ZNF48: variants seen among roughly 807,000 people sequenced by gnomAD.
ZNF48 encodes zinc finger protein 553.
Under a neutral mutation model 40.0 loss-of-function variants are expected in ZNF48, and 20 were observed. That is an observed-to-expected ratio of 0.50 (90% CI 0.35 to 0.73). The LOEUF (loss-of-function observed/expected upper bound fraction) is 0.73, where lower values mean the gene tolerates loss of function less well. Among genes scored for constraint, ZNF48 ranks in the 30% least tolerant of loss-of-function variants. The probability of loss-of-function intolerance (pLI) is 0.01; values close to 1 mark genes in which losing one functional copy is unlikely to be tolerated. For synonymous variants in ZNF48, 298 were observed against 329.7 expected, an observed-to-expected ratio of 0.90 and a Z score of 1.04; for missense variants, 726 against 851.9, an observed-to-expected ratio of 0.85 and a Z score of 1.84.
chr16:30,381,146 G>A lies in ZNF48; in HGVS notation c.-16+2736G>A, dbSNP rs1162983322. The A allele has an allele frequency of 1.2e-6, 2 of 1,613,972 alleles. No homozygotes were observed. The highest frequency in any genetic ancestry group is 8.5e-7 in the Non-Finnish European group (1 of 1,179,880). On this transcript the variant is annotated intron_variant, in intron 1 of 2. Transcript: ENST00000528032. The surrounding 1 kb of genome is among the most constrained non-coding windows in gnomAD (Gnocchi z 4.3). ...TCACACCTTCTGCTTGAGGGCCTGG[G>A]TTTCCTGGGGCATCAGAGCATCCGC...
intron 1 of ZNF48, chr16:30,380,817 A>G (rs935590132): frequency 5.7e-5 from 23 of 406,006 alleles, no homozygotes; most frequent in Non-Finnish European, 1.0e-4. Flanking sequence ...ATAAGCAGAA[A>G]CAGTGGGAAA....
At chr16:30,379,814 C>G (rs1035485745) in intron 1 of ZNF48, 29 of 675,496 alleles carry the variant, frequency 4.3e-5, no homozygotes, top group Non-Finnish European at 6.2e-5. Context: ...GCCATGTTGC[C>G]CAGGCTGGTC....
At position 30,399,947 on chromosome 16, in the gene ZNF48, T is replaced by G. The variant is rs1181629989; in HGVS notation, c.*840T>G. The stretch of plus-strand genomic sequence containing the variant: ...TGGCAGCCACATTTCCATGTGTCTT[T>G]TTACCAATAAACGGCTTCTCTTCTG... On this transcript the variant is annotated 3_prime_UTR_variant, in exon 3 of 3. Coordinates refer to ENST00000613509, the MANE Select transcript of ZNF48 (RefSeq NM_001214909.2). 6.6e-6 allele frequency: 1 copy of G among 152,292 alleles called. No homozygotes were observed. Among genetic ancestry groups the G allele is most frequent in the Non-Finnish European group, 1.5e-5 (1 of 68,118 alleles). 9.4% of individuals were successfully genotyped at this position (152,292 alleles called of 1,614,324 possible).
intron 1 of ZNF48, chr16:30,379,876 G>A: frequency 1.1e-6 from 1 of 950,198 alleles, no homozygotes; most frequent in East Asian, 2.4e-5. Context: ...CAAAGTGCTG[G>A]GATTACAGAC....
At chr16:30,390,980 C>T (rs1451119816), upstream of ZNF48, among the ~76,000 whole-genome samples, 1 of 152,020 alleles carries the variant, frequency 6.6e-6, no homozygotes, top group African/African-American at 2.4e-5. Context: ...ACCTCGTGAT[C>T]TGCCCACCTT....
chr16:30,393,383 TTTTA>T (rs977153699), upstream of ZNF48, among the ~76,000 whole-genome samples: 13 of 151,284 alleles, frequency 8.6e-5, no homozygotes, highest in East Asian at 3.9e-4. Context: ...GCCTTTTAAA[TTTTA>T]TTTATTTATT....
chr16:30,378,415 G>T, intron 1 of ZNF48: 1 of 1,553,060 alleles, frequency 6.4e-7, no homozygotes, highest in Non-Finnish European at 8.6e-7. Context: ...GCCGAGGTAA[G>T]GCCGGGCGGG....
rs777984369 is a variant in ZNF48, at chr16:30,398,454, C to T, written c.1204C>T (p.Pro402Ser). 4 of 1,589,318 alleles carry T rather than the reference C, an allele frequency of 2.5e-6. No homozygotes were observed. In the South Asian group the frequency reaches 4.6e-5, roughly 18 times the overall value. ...YPLPALIPSP[P>S]PPPLGTSPPL... is the part of the protein sequence containing the mutation. ...CCTACCCGCTCTGATCCCCAGCCCA[C>T]CCCCACCTCCTCTGGGCACCAGCCC... Residue 402 changes from proline (P) to serine (S), a missense_variant, in exon 3 of 3, where the codon CCC (proline) becomes TCC (serine). Pro to Ser is a moderately conservative substitution (Grantham distance 74, BLOSUM62 -1). This residue lies in a region of ZNF48 where 378 missense variants were observed against 449.1 expected (regional missense o/e 0.84). Coordinates refer to ENST00000613509, the MANE Select transcript of ZNF48 (RefSeq NM_001214909.2). This position sits in a 1 kb window ranked among gnomAD's most constrained non-coding sequence, Gnocchi z 6.6.
rs1157082445 is a variant in ZNF48 at position 30,397,925 on chromosome 16, T to C, written c.675T>C (p.Cys225=). The change falls in exon 3 of 3, where the codon TGT becomes TGC. Residue 225 remains cysteine, a synonymous_variant. Transcript: ENST00000613509. This position sits in a 1 kb window ranked among gnomAD's most constrained non-coding sequence, Gnocchi z 4.1. ...TGEKPYKCGI[C]GKGFGDSSAR... The stretch of plus-strand genomic sequence containing the variant: ...AGAAGCCCTACAAGTGTGGCATATG[T>C]GGCAAGGGCTTTGGCGACAGTTCCG... The C allele has an allele frequency of 6.2e-6, 10 of 1,612,674 alleles. No homozygotes were observed. Among genetic ancestry groups the C allele is most frequent in the Non-Finnish European group, 8.5e-6 (10 of 1,179,126 alleles).
At chr16:30,378,847 A>AGAAAGGGGGAGAGAGG in intron 1 of ZNF48, 1 of 530,494 alleles carries the variant, frequency 1.9e-6, no homozygotes, top group Non-Finnish European at 3.1e-6. Flanking sequence ...GCGGGTGGGG[A>AGAAAGGGGGAGAGAGG]GAGAGGGGGA....
chr16:30,379,942 G>A, intron 1 of ZNF48: 2 of 1,538,330 alleles, frequency 1.3e-6, no homozygotes, highest in Non-Finnish European at 1.8e-6. Flanking sequence ...CTTCATCTCT[G>A]CATCCTGCCT....
intron 1 of ZNF48, chr16:30,379,346 G>A: frequency 7.0e-7 from 1 of 1,438,778 alleles, no homozygotes. Flanking sequence ...TGGGACCAAA[G>A]CCCACCCCAA....
intron 1 of ZNF48, chr16:30,383,159 G>A (rs2049872490): frequency 3.8e-6 from 1 of 259,840 alleles, no homozygotes; most frequent in Non-Finnish European, 7.5e-6. Context: ...TCCAGCCTGA[G>A]CAACACAGCA....
rs367948908 is a variant in ZNF48 at position 30,381,741 on chromosome 16, C to T, written c.-16+3331C>T. On this transcript the variant is annotated intron_variant, in intron 1 of 2. Coordinates refer to the ZNF48 transcript ENST00000528032. This position sits in a 1 kb window ranked among gnomAD's most constrained non-coding sequence, Gnocchi z 4.3. ...CCACTGTGAAAGGCTGAGCCTCTGTCCCCTTTCCTCTTCCTCACCAGTCAG... is the reference window on the plus strand; with the variant it reads ...CCACTGTGAAAGGCTGAGCCTCTGTTCCCTTTCCTCTTCCTCACCAGTCAG... 7 of 1,613,362 alleles carry T rather than the reference C, an allele frequency of 4.3e-6. No individual in the cohort carries two copies. In the African/African-American group the frequency reaches 8.0e-5, roughly 18 times the overall value.
intron 1 of ZNF48, among the ~76,000 whole-genome samples, chr16:30,387,058 T>C (rs1320833438): frequency 1.3e-5 from 2 of 148,888 alleles, no homozygotes; most frequent in Non-Finnish European, 3.0e-5. Context: ...TTCTCCTGCC[T>C]CAGCCTCCCG....
Position 30,398,896 on chromosome 16 carries a change from G to A in ZNF48, c.1646G>A (p.Gly549Glu). 1.9e-6 allele frequency: 3 copies of A among 1,613,858 alleles called. No homozygotes were observed. Among genetic ancestry groups the A allele is most frequent in the East Asian group, 2.2e-5 (1 of 44,874 alleles). ...PSQPHVCGFC[G>E]KEFPRSSDLV... ...CAGCCCCACGTGTGTGGCTTCTGTG[G>A]GAAGGAGTTCCCCCGGAGCTCAGAT... The change falls in exon 3 of 3, where the codon GGG (glycine) becomes GAG (glutamate). Residue 549 changes from glycine to glutamate, a missense_variant. By Grantham distance (98) the Gly-to-Glu change is moderately conservative. Transcript: ENST00000613509. This position sits in a 1 kb window ranked among gnomAD's most constrained non-coding sequence, Gnocchi z 6.6.
chr16:30,399,003 G>T lies in ZNF48; in HGVS notation c.1753G>T (p.Ala585Ser). Residue 585 changes from alanine (A) to serine (S), a missense_variant, in exon 3 of 3, where the codon GCC becomes TCC. By Grantham distance (99) the Ala-to-Ser change is moderately conservative. Transcript: ENST00000613509. ...ECGKGFGDSS[A>S]RIKHQRGHLV... ...TGGCAAGGGTTTTGGTGACAGTTCT[G>T]CCCGCATCAAGCACCAGCGTGGGCA... is the stretch of plus-strand genomic sequence containing the variant. The T allele has an allele frequency of 6.2e-7, 1 of 1,614,028 alleles. No homozygotes were observed. The highest frequency in any genetic ancestry group is 8.5e-7 in the Non-Finnish European group (1 of 1,180,002).
chr16:30,397,089 A>AGTATT lies in ZNF48; in HGVS notation c.80-238_80-234dup, dbSNP rs1210779122. Among the ~76,000 whole-genome samples, 1 of 152,200 alleles carries AGTATT rather than the reference A, an allele frequency of 6.6e-6. No individual in the cohort carries two copies. Among genetic ancestry groups the AGTATT allele is most frequent in the Non-Finnish European group, 1.5e-5 (1 of 68,040 alleles). On this transcript the variant is annotated intron_variant, in intron 2 of 2. Coordinates refer to ENST00000613509, the MANE Select transcript of ZNF48 (RefSeq NM_001214909.2). The surrounding 1 kb of genome is among the most constrained non-coding windows in gnomAD (Gnocchi z 4.1). The stretch of plus-strand genomic sequence containing the variant: ...AATATGGGGATAGTCATAGTGTTAT[A>AGTATT]GTATTGTTTGCAAGCGTTTAATACT...
At chr16:30,378,773 G>A in intron 1 of ZNF48, 6 of 1,454,990 alleles carry the variant, frequency 4.1e-6, no homozygotes, top group South Asian at 1.2e-5. Context: ...AGGAGGCAGG[G>A]CCTGGGGCGA....
Sources: allele counts gnomAD v4.1 joint callset (sites outside exome capture counted in the v4.1 genomes callset), GRCh38; gene constraint gnomAD v4.1.1; regional missense constraint gnomAD v4.1.1; non-coding constraint Gnocchi (gnomAD v3.1); transcripts MANE v1.5; gene names NCBI Gene and HGNC (gene_info 2026-07-23, HGNC 2026-07-21).